FBXL18: variants seen among roughly 807,000 people sequenced by gnomAD.
The protein encoded by FBXL18 is F-box and leucine rich repeat protein 18.
In FBXL18, 36 loss-of-function variants were observed where a neutral mutation model predicts 46.0. The ratio of observed to expected loss-of-function variants is 0.78; its 90% CI spans 0.60 to 1.03. FBXL18 has a LOEUF of 1.03. Ranked by LOEUF, FBXL18 falls within the 50% of genes least tolerant of loss-of-function variation. The pLI, the probability that FBXL18 is intolerant of heterozygous loss-of-function variation, is 0.00. For missense variants in FBXL18, 977 were observed against 1,004.1 expected (o/e 0.97, Z 0.36); for synonymous variants, 557 against 465.3 (o/e 1.20, Z -2.54).
intron 1 of FBXL18, among the ~76,000 whole-genome samples, chr7:5,511,897 C>T (rs767454289): frequency 1.3e-5 from 2 of 151,730 alleles, no homozygotes; most frequent in Non-Finnish European, 2.9e-5. Context: ...GCCTGAGCAA[C>T]ACAGTCACAC....
chr7:5,494,711 T>C (rs1784026910), intron 3 of FBXL18, among the ~76,000 whole-genome samples: 2 of 152,048 alleles, frequency 1.3e-5, no homozygotes, highest in Non-Finnish European at 2.9e-5. Flanking sequence ...TGGATTTCTC[T>C]CCAAAGCAAA....
At chr7:5,463,737 T>TTTTA (rs1783297784) in intron 4 of FBXL18, among the ~76,000 whole-genome samples, 1 of 35,936 alleles carries the variant, frequency 2.8e-5, no homozygotes, top group East Asian at 1.1e-3. Context: ...TATTTTTTTT[T>TTTTA]TTTTTTTTTT....
chr7:5,454,712 G>C (rs1290859646), intron 4 of FBXL18, among the ~76,000 whole-genome samples: 1 of 152,152 alleles, frequency 6.6e-6, no homozygotes, highest in Non-Finnish European at 1.5e-5. Context: ...CACAGCGAGG[G>C]AGCAACAGAG....
Position 5,508,726 on chromosome 7 carries a change from G to A in FBXL18, c.19-3096C>T, listed in dbSNP as rs1784455757. 3.3e-5 allele frequency among the ~76,000 whole-genome samples: 5 copies of A among 152,190 alleles called. 1 individual carries two copies. The South Asian group carries it at 1.0e-3, about 32-fold the overall frequency. ...AGGGACAACCTTTATCAGAACCAGA[G>A]ACAAACTTGATCAGAATCAGAGACA... On this transcript the variant is annotated intron_variant, in intron 1 of 4. Transcript: ENST00000382368.
chr7:5,493,107 G>A (rs1478087722), intron 3 of FBXL18, among the ~76,000 whole-genome samples: 1 of 152,184 alleles, frequency 6.6e-6, no homozygotes, highest in Non-Finnish European at 1.5e-5. Flanking sequence ...GGCCAAGGCA[G>A]GAGGATCACT....
chr7:5,465,012 G>C (rs576463136), intron 4 of FBXL18, among the ~76,000 whole-genome samples: 1 of 152,176 alleles, frequency 6.6e-6, no homozygotes, highest in African/African-American at 2.4e-5. Context: ...GCAGTGAGCC[G>C]AGACTGTGCC....
Position 5,501,564 on chromosome 7 carries a change from C to T in FBXL18, c.705G>A (p.Ala235=), listed in dbSNP as rs1335739176. ...PHYQNLRVFY[A]RLAPGYINQE... Reference sequence around the variant, plus strand: ...GGTTGATGTAGCCGGGGGCCAGGCGCGCATAGAAGACCCGCAGGTTCTGGT... The same window carrying T: ...GGTTGATGTAGCCGGGGGCCAGGCGTGCATAGAAGACCCGCAGGTTCTGGT... The change falls in exon 3 of 5, where the codon GCG becomes GCA. Residue 235 remains alanine (A), a synonymous_variant. Transcript: ENST00000382368. 1.2e-6 allele frequency: 2 copies of T among 1,613,890 alleles called. No individual in the cohort carries two copies. Among genetic ancestry groups the T allele is most frequent in the Non-Finnish European group, 1.7e-6 (2 of 1,180,028 alleles).
At chr7:5,483,795 G>T (rs1263962387) in intron 4 of FBXL18, among the ~76,000 whole-genome samples, 1 of 152,060 alleles carries the variant, frequency 6.6e-6, no homozygotes, top group Admixed American at 6.6e-5. Context: ...AGTCTCAGTG[G>T]GTGCAAGGCA....
rs916904635 is a variant in FBXL18 at position 5,455,869 on chromosome 7, G to A, written c.2001-8026C>T. On this transcript the variant is annotated intron_variant and NMD_transcript_variant, in intron 4 of 6. Coordinates refer to the FBXL18 transcript ENST00000415009. This position sits in a 1 kb window ranked among gnomAD's most constrained non-coding sequence, Gnocchi z 4.6. ...ATATGACCCCAGCCAATGAGCGGGC[G>A]AGACCTGGCCATCTCTGCCCCATGC... Among the ~76,000 whole-genome samples, 4 of 151,990 alleles carry A rather than the reference G, an allele frequency of 2.6e-5. No individual in the cohort carries two copies. Among genetic ancestry groups the A allele is most frequent in the Non-Finnish European group, 5.9e-5 (4 of 68,002 alleles).
intron 4 of FBXL18, chr7:5,489,742 G>A: frequency 3.9e-6 from 1 of 258,540 alleles, no homozygotes; most frequent in African/African-American, 2.2e-5. Flanking sequence ...TCACGCCACT[G>A]CACTCCAGCC....
Position 5,509,088 on chromosome 7 carries a change from G to A in FBXL18, c.19-3458C>T, listed in dbSNP as rs528255787. Among the ~76,000 whole-genome samples, 104 of 151,802 alleles carry A rather than the reference G, an allele frequency of 6.9e-4. 1 individual carries two copies. The highest frequency in any genetic ancestry group is 1.2e-3 in the South Asian group (6 of 4,806). ...CACGCCTATAGTCCCAGCTACTCAG[G>A]AGGCTGAGGCAGAAGAATCGCTTGA... On this transcript the variant is annotated intron_variant, in intron 1 of 4. Transcript: ENST00000382368.
At position 5,501,946 on chromosome 7, in the gene FBXL18, G is replaced by A. The variant is rs1182583442; in HGVS notation, c.323C>T (p.Pro108Leu). Residue 108 changes from proline (P) to leucine (L), a missense_variant, in exon 3 of 5, where the codon CCT (proline) becomes CTT (leucine). Transcript: ENST00000382368. The stretch of plus-strand genomic sequence containing the variant: ...GGCCACGTGTTCCACGGTGGAGCCA[G>A]GCAGCCAGTAGCAGCCAGCCATGCT... ...QLSMAGCYWL[P>L]GSTVEHVARC... The A allele has an allele frequency of 2.5e-6, 4 of 1,605,620 alleles. No homozygotes were observed. In the South Asian group the frequency reaches 3.4e-5, roughly 13 times the overall value.
chr7:5,461,814 G>A (rs952061500), intron 4 of FBXL18, among the ~76,000 whole-genome samples: 4 of 152,108 alleles, frequency 2.6e-5, no homozygotes, highest in African/African-American at 9.7e-5. Context: ...GATGGCGGGC[G>A]CCTGTAGTCC....
At chr7:5,508,323 T>C (rs1372991060) in intron 1 of FBXL18, among the ~76,000 whole-genome samples, 1 of 151,186 alleles carries the variant, frequency 6.6e-6, no homozygotes, top group East Asian at 1.9e-4. Flanking sequence ...GGCGGGCACC[T>C]GTAATCCCAG....
intron 4 of FBXL18, among the ~76,000 whole-genome samples, chr7:5,459,350 C>T (rs1208469212): frequency 6.6e-6 from 1 of 152,186 alleles, no homozygotes; most frequent in East Asian, 1.9e-4. Flanking sequence ...TGCCTGCAAG[C>T]CCAGCACTTT....
chr7:5,497,560 C>G (rs1784114857), intron 3 of FBXL18, among the ~76,000 whole-genome samples: 1 of 152,210 alleles, frequency 6.6e-6, no homozygotes, highest in African/African-American at 2.4e-5. Context: ...TGGCGCCAAG[C>G]TGGCTGCATG....
chr7:5,506,118 C>A (rs540140365), intron 1 of FBXL18, among the ~76,000 whole-genome samples: 2 of 152,022 alleles, frequency 1.3e-5, no homozygotes, highest in Non-Finnish European at 2.9e-5. Flanking sequence ...CCTGCCTTGG[C>A]CTCCCAAAGG....
At chr7:5,507,663 G>A (rs1042239136) in intron 1 of FBXL18, among the ~76,000 whole-genome samples, 11 of 151,154 alleles carry the variant, frequency 7.3e-5, no homozygotes, top group South Asian at 4.2e-4. Flanking sequence ...GTGAAACCCC[G>A]TCTCTACTAA....
At chr7:5,490,507 G>A (rs913646190) in intron 4 of FBXL18, among the ~76,000 whole-genome samples, 1 of 152,194 alleles carries the variant, frequency 6.6e-6, no homozygotes, top group African/African-American at 2.4e-5. Context: ...AGGGAAGAGG[G>A]GCCAGACTAT....
Sources: allele counts gnomAD v4.1 joint callset (sites outside exome capture counted in the v4.1 genomes callset), GRCh38; gene constraint gnomAD v4.1.1; non-coding constraint Gnocchi (gnomAD v3.1); transcripts MANE v1.5; gene names NCBI Gene and HGNC (gene_info 2026-07-23, HGNC 2026-07-21).